Variants in SLC35F3 observed in about 807,000 individuals in gnomAD.
SLC35F3 encodes putative thiamine transporter SLC35F3.
Under a neutral mutation model 49.9 loss-of-function variants are expected in SLC35F3, and 25 were observed. The ratio of observed to expected loss-of-function variants is 0.50; its 90% CI spans 0.37 to 0.70. The LOEUF is 0.70. Ranked by LOEUF, SLC35F3 falls within the 30% of genes least tolerant of loss-of-function variation. The pLI, the probability that SLC35F3 is intolerant of heterozygous loss-of-function variation, is 0.00. For synonymous variants in SLC35F3, 275 were observed against 265.4 expected, an observed-to-expected ratio of 1.04 and a Z score of -0.35; for missense variants, 525 against 639.8, an observed-to-expected ratio of 0.82 and a Z score of 1.94.
intron 2 of SLC35F3, among the ~76,000 whole-genome samples, chr1:233,942,368 TGTGACCTGTGATATGA>T (rs1371195495): frequency 6.6e-6 from 1 of 152,180 alleles, no homozygotes; most frequent in Non-Finnish European, 1.5e-5. Flanking sequence ...TGTTGTTTTG[TGTGACCTGTGATATGA>T]GCACTTAATA....
chr1:234,258,226 G>A (rs535213029), intron 3 of SLC35F3, among the ~76,000 whole-genome samples: 2 of 152,194 alleles, frequency 1.3e-5, no homozygotes, highest in African/African-American at 2.4e-5. Context: ...AAATCATAAT[G>A]GGGGGTCAAA....
chr1:234,183,715 G>A (rs908081640), intron 2 of SLC35F3, among the ~76,000 whole-genome samples: 1 of 142,738 alleles, frequency 7.0e-6, no homozygotes, highest in African/African-American at 2.4e-5. Flanking sequence ...GTACAGTGTG[G>A]CTCCCATTAT....
chr1:234,048,639 G>GGAGCATTGGAGGTAAGGCTCCCTA (rs1664328721), intron 2 of SLC35F3, among the ~76,000 whole-genome samples: 2 of 151,836 alleles, frequency 1.3e-5, no homozygotes, highest in Admixed American at 1.3e-4. Context: ...CGCATCACCT[G>GGAGCATTGGAGGTAAGGCTCCCTA]GAGCCTTGGG....
At chr1:234,242,873 A>G (rs1396970265) in intron 3 of SLC35F3, among the ~76,000 whole-genome samples, 1 of 152,232 alleles carries the variant, frequency 6.6e-6, no homozygotes, top group Non-Finnish European at 1.5e-5. Context: ...TTGCAGGAAC[A>G]CATCATTAGA....
intron 2 of SLC35F3, among the ~76,000 whole-genome samples, chr1:234,179,147 T>A (rs545991705): frequency 6.6e-6 from 1 of 152,288 alleles, no homozygotes; most frequent in East Asian, 1.9e-4. Context: ...AGCTGAGAAC[T>A]TCCTCAGCTG....
chr1:233,996,991 G>C (rs1211750837), intron 2 of SLC35F3, among the ~76,000 whole-genome samples: 1 of 152,128 alleles, frequency 6.6e-6, no homozygotes, highest in African/African-American at 2.4e-5. Context: ...TCACATGTAA[G>C]TGAGATCATC....
chr1:233,947,267 A>G (rs79937587), intron 2 of SLC35F3, among the ~76,000 whole-genome samples: 4,173 of 152,246 alleles, frequency 0.027, 172 homozygotes, highest in African/African-American at 0.095. Context: ...AATCCTAAAA[A>G]TCTATGCCAC....
intron 2 of SLC35F3, among the ~76,000 whole-genome samples, chr1:234,156,602 T>C (rs1666156191): frequency 1.3e-5 from 2 of 152,172 alleles, no homozygotes; most frequent in South Asian, 4.1e-4. Context: ...TAGAGAACTC[T>C]AAGGGCCTTA....
At position 233,976,164 on chromosome 1, in the gene SLC35F3, A is replaced by G. The variant is rs1016958930; in HGVS notation, c.283+70406A>G. 7.2e-5 allele frequency among the ~76,000 whole-genome samples: 11 copies of G among 152,190 alleles called. 1 individual carries two copies. Among genetic ancestry groups the G allele is most frequent in the South Asian group, 4.1e-4 (2 of 4,824 alleles). ...AGAAAATCTACATTTTTATGGCACAATGTTTTTTAAGTAGCCTGGCTCTTT... is the reference window on the plus strand; with the variant it reads ...AGAAAATCTACATTTTTATGGCACAGTGTTTTTTAAGTAGCCTGGCTCTTT... On this transcript the variant is annotated intron_variant, in intron 2 of 7. Transcript: ENST00000366618.
At chr1:233,954,415 GGC>G in intron 2 of SLC35F3, among the ~76,000 whole-genome samples, 1 of 152,226 alleles carries the variant, frequency 6.6e-6, no homozygotes. Context: ...GCAGGAGTTA[GGC>G]CAGGGAAAGA....
At chr1:233,923,208 T>G (rs1347710820) in intron 2 of SLC35F3, among the ~76,000 whole-genome samples, 6 of 151,992 alleles carry the variant, frequency 3.9e-5, no homozygotes, top group Admixed American at 3.3e-4. Flanking sequence ...GCTTGATGGG[T>G]ATGGCATTGA....
chr1:234,190,340 G>A (rs987763024), intron 2 of SLC35F3, among the ~76,000 whole-genome samples: 19 of 151,938 alleles, frequency 1.3e-4, no homozygotes, highest in Admixed American at 8.5e-4. Context: ...TAACACATAA[G>A]GACTCACATA....
At chr1:233,948,036 TA>T (rs919440557) in intron 2 of SLC35F3, among the ~76,000 whole-genome samples, 38 of 142,510 alleles carry the variant, frequency 2.7e-4, no homozygotes, top group African/African-American at 8.2e-4. Context: ...AAAAATTATT[TA>T]AAAAAAAAAG....
intron 2 of SLC35F3, among the ~76,000 whole-genome samples, chr1:234,228,770 A>G (rs1667325126): frequency 6.6e-6 from 1 of 152,188 alleles, no homozygotes; most frequent in Admixed American, 6.5e-5. Flanking sequence ...GCACAGACAC[A>G]AAAGACTAGG....
intron 2 of SLC35F3, among the ~76,000 whole-genome samples, chr1:234,170,651 T>TGCA (rs1377301428): frequency 6.6e-6 from 1 of 152,128 alleles, no homozygotes; most frequent in Non-Finnish European, 1.5e-5. Flanking sequence ...ACTTTATAAG[T>TGCA]GCAGCATTCA....
chr1:234,121,538 T>C (rs1034804045), intron 2 of SLC35F3, among the ~76,000 whole-genome samples: 1 of 152,192 alleles, frequency 6.6e-6, no homozygotes, highest in Non-Finnish European at 1.5e-5. Context: ...TGAAAAGCAT[T>C]AATAATTAAA....
intron 3 of SLC35F3, among the ~76,000 whole-genome samples, chr1:234,260,595 T>C (rs191365286): frequency 4.1e-4 from 63 of 152,292 alleles, no homozygotes; most frequent in East Asian, 2.7e-3. Context: ...AGGGGTAACA[T>C]TCTGGGGTCA....
intron 3 of SLC35F3, among the ~76,000 whole-genome samples, chr1:234,257,544 T>C (rs1324577904): frequency 3.9e-5 from 6 of 152,230 alleles, no homozygotes; most frequent in Admixed American, 2.0e-4. Flanking sequence ...AGGATGGACA[T>C]AGATGCCAGT....
chr1:234,085,858 C>G (rs1664952111), intron 2 of SLC35F3, among the ~76,000 whole-genome samples: 1 of 152,162 alleles, frequency 6.6e-6, no homozygotes, highest in Non-Finnish European at 1.5e-5. Context: ...CAGTTGCTCT[C>G]TAATTCTAAG....
Sources: gnomAD v4.1 joint callset for allele counts (sites outside exome capture counted in the v4.1 genomes callset) on GRCh38, gnomAD v4.1.1 for gene constraint, MANE v1.5 for transcripts, NCBI Gene and HGNC (gene_info 2026-07-23, HGNC 2026-07-21) for gene names.